Variants in ERGIC1 observed in about 807,000 individuals in gnomAD.
The protein encoded by ERGIC1 is endoplasmic reticulum-golgi intermediate compartment 1, also known as endoplasmic reticulum-Golgi intermediate compartment protein 1.
A neutral mutation model predicts 38.3 loss-of-function variants in ERGIC1; 19 were observed. That is an observed-to-expected ratio of 0.50 (90% CI 0.35 to 0.73). The LOEUF (loss-of-function observed/expected upper bound fraction) is 0.73, where lower values mean the gene tolerates loss of function less well. Ranked by LOEUF, ERGIC1 falls within the 30% of genes least tolerant of loss-of-function variation. The pLI, the probability that ERGIC1 is intolerant of heterozygous loss-of-function variation, is 0.01. For synonymous variants in ERGIC1, 124 were observed against 157.6 expected (o/e 0.79, Z 1.60); for missense variants, 294 against 389.2 (o/e 0.76, Z 2.06).
chr5:172,852,683 A>G (rs914273878), intron 1 of ERGIC1, among the ~76,000 whole-genome samples: 19 of 152,332 alleles, frequency 1.2e-4, no homozygotes, highest in African/African-American at 4.6e-4. Context: ...CAGCTCTCCT[A>G]CTTGAAGCCT....
At chr5:172,944,483 T>C (rs1246735071) in intron 9 of ERGIC1, among the ~76,000 whole-genome samples, 1 of 152,086 alleles carries the variant, frequency 6.6e-6, no homozygotes, top group Admixed American at 6.5e-5. Flanking sequence ...CTCAGCCTCC[T>C]GAGTAGCTAG....
Position 172,947,422 on chromosome 5 carries a change from T to A in ERGIC1, c.766-3287T>A, listed in dbSNP as rs550315329. Reference sequence around the variant, plus strand: ...CAAGCTCCTGGACTCAAGCAACCCTTCCATCTCCCGAAGTGCTGAGATGAC... The same window carrying A: ...CAAGCTCCTGGACTCAAGCAACCCTACCATCTCCCGAAGTGCTGAGATGAC... On this transcript the variant is annotated intron_variant, in intron 9 of 9. Coordinates refer to ENST00000393784, the MANE Select transcript of ERGIC1 (RefSeq NM_001031711.3). Among the ~76,000 whole-genome samples, 3 of 152,124 alleles carry A rather than the reference T, an allele frequency of 2.0e-5. No individual in the cohort carries two copies. In the South Asian group the frequency reaches 6.2e-4, roughly 31 times the overall value.
intron 7 of ERGIC1, among the ~76,000 whole-genome samples, chr5:172,929,774 G>A (rs1056471315): frequency 6.6e-6 from 1 of 152,156 alleles, no homozygotes; most frequent in African/African-American, 2.4e-5. Flanking sequence ...GATTTATTGA[G>A]CACCTACTAT....
rs545248954 is a variant in ERGIC1, at chr5:172,889,271, C to T, written c.82+511C>T. 2.2e-3 allele frequency among the ~76,000 whole-genome samples: 327 copies of T among 151,972 alleles called. 2 individuals carry two copies. Among genetic ancestry groups the T allele is most frequent in the African/African-American group, 7.4e-3 (307 of 41,444 alleles). ...TGCACTTCAGCCTGGGCAACAAGAG[C>T]GAGACTCCATCTAAAAAAAAACAGT... On this transcript the variant is annotated intron_variant, in intron 2 of 9. Coordinates refer to ENST00000393784, the MANE Select transcript of ERGIC1 (RefSeq NM_001031711.3).
intron 3 of ERGIC1, among the ~76,000 whole-genome samples, chr5:172,907,947 ATTTG>A (rs2113367986): frequency 6.6e-6 from 1 of 152,176 alleles, no homozygotes; most frequent in East Asian, 1.9e-4. Context: ...TCAAAAAAGT[ATTTG>A]TTGAGCAAAT....
rs1203180247 is a variant in ERGIC1, at chr5:172,837,511, G to A, written c.20+3078G>A. On this transcript the variant is annotated intron_variant, in intron 1 of 9. Coordinates refer to ENST00000393784, the MANE Select transcript of ERGIC1 (RefSeq NM_001031711.3). This position sits in a 1 kb window ranked among gnomAD's most constrained non-coding sequence, Gnocchi z 4.3. The stretch of plus-strand genomic sequence containing the variant: ...GTTTTTATCAGGCTTCTTCAAGGTT[G>A]CATCTCCAGCACCTAGAACTGTGCT... Among the ~76,000 whole-genome samples, 1 of 152,214 alleles carries A rather than the reference G, an allele frequency of 6.6e-6. No homozygotes were observed. The highest frequency in any genetic ancestry group is 1.5e-5 in the Non-Finnish European group (1 of 68,040).
chr5:172,868,234 A>G (rs918627670), intron 1 of ERGIC1, among the ~76,000 whole-genome samples: 1 of 152,228 alleles, frequency 6.6e-6, no homozygotes, highest in Non-Finnish European at 1.5e-5. Flanking sequence ...GATGTAAAAC[A>G]CTGGCGGTTC....
At chr5:172,895,863 G>A (rs530173852) in intron 2 of ERGIC1, among the ~76,000 whole-genome samples, 5 of 152,238 alleles carry the variant, frequency 3.3e-5, no homozygotes, top group Admixed American at 3.3e-4. Flanking sequence ...AGACATTGTG[G>A]GGAGTGTCAG....
intron 1 of ERGIC1, among the ~76,000 whole-genome samples, chr5:172,850,539 G>A (rs2113030943): frequency 6.6e-6 from 1 of 152,274 alleles, no homozygotes; most frequent in East Asian, 1.9e-4. Flanking sequence ...CTAGGGCTTT[G>A]GAGTCTGGTG....
intron 4 of ERGIC1, among the ~76,000 whole-genome samples, chr5:172,910,555 A>T (rs1336754982): frequency 7.3e-6 from 1 of 137,378 alleles, no homozygotes; most frequent in Non-Finnish European, 1.5e-5. Context: ...ACGGAGTTTC[A>T]CTCCTGTCAC....
intron 9 of ERGIC1, 110 bp from the exon 10 acceptor site, chr5:172,950,599 C>CTT: frequency 1.1e-6 from 1 of 907,154 alleles, no homozygotes; most frequent in East Asian, 2.7e-5. Context: ...GCTTAACGGG[C>CTT]AATGTCTGCC....
rs936735839 is a variant in ERGIC1, at chr5:172,834,886, G to A, written c.20+453G>A. Among the ~76,000 whole-genome samples, 1 of 152,200 alleles carries A rather than the reference G, an allele frequency of 6.6e-6. No homozygotes were observed. The highest frequency in any genetic ancestry group is 1.5e-5 in the Non-Finnish European group (1 of 68,030). ...TGGGGCCCCATGCAGCCTGCCGGCA[G>A]CTGGAGGGTTTTAAGTTTCTATAGC... On this transcript the variant is annotated intron_variant, in intron 1 of 9. Coordinates refer to ENST00000393784, the MANE Select transcript of ERGIC1 (RefSeq NM_001031711.3). This position sits in a 1 kb window ranked among gnomAD's most constrained non-coding sequence, Gnocchi z 4.1.
chr5:172,835,476 C>T (rs768443388), intron 1 of ERGIC1, among the ~76,000 whole-genome samples: 1 of 132,768 alleles, frequency 7.5e-6, no homozygotes, highest in Non-Finnish European at 1.8e-5. Flanking sequence ...CGTGAAACAC[C>T]CTTAGCAGAG....
At chr5:172,946,211 G>A (rs749836516) in intron 9 of ERGIC1, among the ~76,000 whole-genome samples, 3 of 152,168 alleles carry the variant, frequency 2.0e-5, no homozygotes, top group Non-Finnish European at 2.9e-5. Flanking sequence ...CCCTGGAGAG[G>A]CCCAGCTCTC....
chr5:172,884,640 C>T (rs1391839901), intron 1 of ERGIC1, among the ~76,000 whole-genome samples: 3 of 152,166 alleles, frequency 2.0e-5, no homozygotes, highest in Non-Finnish European at 2.9e-5. Flanking sequence ...CCAGGCCCAT[C>T]TTGTATTTTT....
intron 3 of ERGIC1, chr5:172,897,988 C>T (rs557290980): frequency 1.6e-4 from 65 of 412,046 alleles, no homozygotes; most frequent in Non-Finnish European, 2.5e-4. Flanking sequence ...TATGCAGTCA[C>T]GACCTCATCG....
Position 172,918,692 on chromosome 5 carries a change from A to C in ERGIC1, c.375+3854A>C, listed in dbSNP as rs1763435846. On this transcript the variant is annotated intron_variant, in intron 5 of 9. Transcript: ENST00000393784. ...GAGAGAAGGGGCCGCTGCAGGAGCCACGTCCTTACGAAGCAATGGGAGCCA... is the reference window on the plus strand; with the variant it reads ...GAGAGAAGGGGCCGCTGCAGGAGCCCCGTCCTTACGAAGCAATGGGAGCCA... 2.6e-5 allele frequency among the ~76,000 whole-genome samples: 4 copies of C among 152,328 alleles called. 1 individual carries two copies. In the South Asian group the frequency reaches 6.2e-4, roughly 24 times the overall value.
At chr5:172,856,958 A>G (rs182693543) in intron 1 of ERGIC1, among the ~76,000 whole-genome samples, 20 of 152,298 alleles carry the variant, frequency 1.3e-4, no homozygotes, top group African/African-American at 4.8e-4. Flanking sequence ...AGGCCTGTAG[A>G]CAGCACTGGG....
At chr5:172,919,126 C>T (rs757919046) in intron 5 of ERGIC1, among the ~76,000 whole-genome samples, 1 of 152,164 alleles carries the variant, frequency 6.6e-6, no homozygotes, top group Non-Finnish European at 1.5e-5. Flanking sequence ...TGTTCTATAA[C>T]GGGGGGACAG....
Sources: gnomAD v4.1 joint callset for allele counts (sites outside exome capture counted in the v4.1 genomes callset) on GRCh38, gnomAD v4.1.1 for gene constraint, Gnocchi (gnomAD v3.1) non-coding constraint, MANE v1.5 for transcripts, NCBI Gene and HGNC (gene_info 2026-07-23, HGNC 2026-07-21) for gene names.